Variants in MSI2 observed in about 807,000 individuals in gnomAD.
The protein encoded by MSI2 is musashi RNA binding protein 2, also known as RNA-binding protein Musashi homolog 2.
Under a neutral mutation model 45.6 loss-of-function variants are expected in MSI2, and 17 were observed. The observed-to-expected ratio is 0.37, with a 90% CI of 0.26 to 0.56. The LOEUF (loss-of-function observed/expected upper bound fraction) is 0.56. MSI2 is among the 20% of genes least tolerant of loss of function. The probability of loss-of-function intolerance (pLI) is 0.77; values close to 1 mark genes in which losing one functional copy is unlikely to be tolerated. For missense variants in MSI2, 293 were observed against 444.2 expected, an observed-to-expected ratio of 0.66 and a Z score of 3.06; for synonymous variants, 156 against 158.2, an observed-to-expected ratio of 0.99 and a Z score of 0.11.
At chr17:57,687,180 A>G (rs1017922141), downstream of MSI2, among the ~76,000 whole-genome samples, 3 of 112,562 alleles carry the variant, frequency 2.7e-5, no homozygotes, top group African/African-American at 3.9e-5. Context: ...AATAGCATAT[A>G]GCCAAAGCTG....
chr17:57,553,921 GT>G (rs1054426851), intron 7 of MSI2, among the ~76,000 whole-genome samples: 1 of 152,170 alleles, frequency 6.6e-6, no homozygotes, highest in African/African-American at 2.4e-5. Context: ...AGAGAGAGAA[GT>G]TTTTTCAGTC....
At position 57,417,575 on chromosome 17, in the gene MSI2, A is replaced by G. The variant is rs77601357; in HGVS notation, c.405+16104A>G. ...CTCAACCCCCAAGAAGCCACAAGGC[A>G]GGTCTGCTTGTTTGACCCATGAGTG... is the stretch of plus-strand genomic sequence containing the variant. On this transcript the variant is annotated intron_variant, in intron 6 of 13. Transcript: ENST00000284073. 2.7e-4 allele frequency among the ~76,000 whole-genome samples: 41 copies of G among 152,322 alleles called. No individual in the cohort carries two copies. In the East Asian group the frequency reaches 7.7e-3, roughly 29 times the overall value.
intron 5 of MSI2, among the ~76,000 whole-genome samples, chr17:57,286,413 C>T (rs1268901222): frequency 6.6e-6 from 1 of 152,146 alleles, no homozygotes; most frequent in African/African-American, 2.4e-5. Context: ...AAATCAGTGT[C>T]TCTGAGAGTC....
chr17:57,548,294 C>T (rs914437182), intron 7 of MSI2, among the ~76,000 whole-genome samples: 2 of 151,990 alleles, frequency 1.3e-5, no homozygotes, highest in African/African-American at 4.8e-5. Flanking sequence ...ATAGGTGGGC[C>T]TCCCTGGGGT....
intron 6 of MSI2, among the ~76,000 whole-genome samples, chr17:57,498,528 C>T (rs886741225): frequency 6.6e-6 from 1 of 152,188 alleles, no homozygotes; most frequent in South Asian, 2.1e-4. Flanking sequence ...GACCCCAGTA[C>T]CAAAATGTGG....
At chr17:57,387,787 A>G (rs1426922760) in intron 5 of MSI2, among the ~76,000 whole-genome samples, 1 of 152,168 alleles carries the variant, frequency 6.6e-6, no homozygotes. Flanking sequence ...ATCCCCATTC[A>G]CAGATGAGCA....
intron 7 of MSI2, among the ~76,000 whole-genome samples, chr17:57,536,756 C>G (rs2057291994): frequency 6.6e-6 from 1 of 152,194 alleles, no homozygotes; most frequent in South Asian, 2.1e-4. Flanking sequence ...AGACCACCAC[C>G]AACAGCCAGG....
chr17:57,674,178 T>C (rs1913041415), intron 11 of MSI2, among the ~76,000 whole-genome samples: 1 of 137,886 alleles, frequency 7.3e-6, no homozygotes, highest in African/African-American at 2.6e-5. Context: ...AAACTCTCCA[T>C]AACATATCCC....
chr17:57,544,740 T>TTGCAA (rs1170982811), intron 7 of MSI2, among the ~76,000 whole-genome samples: 2 of 152,196 alleles, frequency 1.3e-5, no homozygotes, highest in African/African-American at 4.8e-5. Context: ...TGGACTGTTC[T>TTGCAA]TGCAATTCTT....
intron 9 of MSI2, chr17:57,626,934 A>G: frequency 2.0e-6 from 1 of 492,838 alleles, no homozygotes; most frequent in Non-Finnish European, 3.6e-6. Context: ...AGCCAGGCGC[A>G]GGCTTTGTGT....
intron 6 of MSI2, among the ~76,000 whole-genome samples, chr17:57,409,594 T>C (rs1413675133): frequency 2.0e-5 from 3 of 152,194 alleles, no homozygotes; most frequent in African/African-American, 4.8e-5. Flanking sequence ...GATGGGCCTT[T>C]CTTCTTTGTG....
intron 5 of MSI2, among the ~76,000 whole-genome samples, chr17:57,312,781 G>C (rs1449057084): frequency 6.6e-6 from 1 of 152,096 alleles, no homozygotes; most frequent in Non-Finnish European, 1.5e-5. Flanking sequence ...TTCTTCCTTA[G>C]AACACAGATG....
chr17:57,471,195 C>A (rs1447257645), intron 6 of MSI2, among the ~76,000 whole-genome samples: 1 of 151,560 alleles, frequency 6.6e-6, no homozygotes, highest in Non-Finnish European at 1.5e-5. Flanking sequence ...TCTGTATTGA[C>A]CTTTAGCTCC....
chr17:57,294,876 TTGGG>T (rs1394633832), intron 5 of MSI2: 1 of 152,228 alleles, frequency 6.6e-6, no homozygotes, highest in Non-Finnish European at 1.5e-5. Flanking sequence ...CTGCTCTGGG[TTGGG>T]TGCAGGCCAG....
intron 7 of MSI2, among the ~76,000 whole-genome samples, chr17:57,586,844 C>T (rs995842650): frequency 1.0e-5 from 1 of 97,340 alleles, no homozygotes; most frequent in Non-Finnish European, 2.4e-5. Flanking sequence ...AAAACCCCAT[C>T]TCCTTAAAAA....
At chr17:57,615,023 G>A (rs1907543813) in intron 8 of MSI2, among the ~76,000 whole-genome samples, 1 of 151,956 alleles carries the variant, frequency 6.6e-6, no homozygotes, top group Non-Finnish European at 1.5e-5. Flanking sequence ...TGGTGGTGGT[G>A]TAGGTTTTGT....
Position 57,432,976 on chromosome 17 carries a change from G to A in MSI2, c.405+31505G>A, listed in dbSNP as rs192564627. ...TCCTGAAATCCTGTTTTCAGCAGAC[G>A]ATCCTCTGTTCCCAACTTGCAGTGG... On this transcript the variant is annotated intron_variant, in intron 6 of 13. Coordinates refer to ENST00000284073, the MANE Select transcript of MSI2 (RefSeq NM_138962.4). Among the ~76,000 whole-genome samples, 14 of 152,256 alleles carry A rather than the reference G, an allele frequency of 9.2e-5. No homozygotes were observed. The East Asian group carries it at 1.7e-3, about 19-fold the overall frequency.
At chr17:57,373,867 T>C (rs1230363650) in intron 5 of MSI2, among the ~76,000 whole-genome samples, 2 of 152,226 alleles carry the variant, frequency 1.3e-5, no homozygotes, top group African/African-American at 2.4e-5. Flanking sequence ...GGGGAAATAG[T>C]TAAAGTACAG....
At chr17:57,319,060 C>T (rs1161492483) in intron 5 of MSI2, among the ~76,000 whole-genome samples, 2 of 152,138 alleles carry the variant, frequency 1.3e-5, no homozygotes, top group East Asian at 3.9e-4. Flanking sequence ...GAGCTGTGGC[C>T]GTAGTCTTGC....
Sources: gnomAD v4.1 joint callset for allele counts (sites outside exome capture counted in the v4.1 genomes callset) on GRCh38, gnomAD v4.1.1 for gene constraint, MANE v1.5 for transcripts, NCBI Gene and HGNC (gene_info 2026-07-23, HGNC 2026-07-21) for gene names.